The following ICA1 variants were observed in gnomAD, a reference collection of about 807,000 sequenced individuals.
ICA1 encodes the protein islet cell autoantigen 1.
In ICA1, 40 loss-of-function variants were observed where a neutral mutation model predicts 71.0. The ratio of observed to expected loss-of-function variants is 0.56; its 90% confidence interval spans 0.44 to 0.73. ICA1 has a LOEUF of 0.73. Among genes scored for constraint, ICA1 ranks in the 30% least tolerant of loss-of-function variants. The probability of loss-of-function intolerance (pLI) is 0.00; values close to 1 mark genes in which losing one functional copy is unlikely to be tolerated. For missense variants in ICA1, 578 were observed against 576.5 expected (o/e 1.00, Z -0.03); for synonymous variants, 207 against 209.5 (o/e 0.99, Z 0.10).
At chr7:8,162,509 G>T (rs915482618) in intron 6 of ICA1, among the ~76,000 whole-genome samples, 3 of 152,074 alleles carry the variant, frequency 2.0e-5, no homozygotes, top group African/African-American at 7.2e-5. Context: ...AAACACCAAG[G>T]ACATAGCCAA....
intron 6 of ICA1, among the ~76,000 whole-genome samples, chr7:8,211,160 C>T (rs1046824025): frequency 2.0e-5 from 3 of 152,202 alleles, no homozygotes; most frequent in Non-Finnish European, 2.9e-5. Flanking sequence ...GGCCAACCTC[C>T]CAGAGAACCC....
At chr7:8,129,656 G>A (rs951957092) in intron 12 of ICA1, among the ~76,000 whole-genome samples, 2 of 152,108 alleles carry the variant, frequency 1.3e-5, no homozygotes, top group South Asian at 2.1e-4. Context: ...TGAGAAGATG[G>A]GGCAAATGGC....
chr7:8,172,073 T>C lies in ICA1; in HGVS notation c.580-13421A>G, dbSNP rs117107051. On this transcript the variant is annotated intron_variant, in intron 6 of 13. Transcript: ENST00000402384. ...ATGTGCACTTGAAAAGAACATATAC[T>C]GTGATGTTGAATGGAACATTCTGTA... 4.2e-3 allele frequency among the ~76,000 whole-genome samples: 642 copies of C among 152,154 alleles called. 1 individual carries two copies. The highest frequency in any genetic ancestry group is 7.0e-3 in the Non-Finnish European group (474 of 67,872).
At position 8,234,961 on chromosome 7, in the gene ICA1, C is replaced by T. The variant is rs1217786125; in HGVS notation, c.17+949G>A. ...TGGGCAGATCATGAGGTCAAGAGATCGAGACCATCCTGGCCAACATGGTGA... is the reference window on the plus strand; with the variant it reads ...TGGGCAGATCATGAGGTCAAGAGATTGAGACCATCCTGGCCAACATGGTGA... On this transcript the variant is annotated intron_variant, in intron 2 of 13. Coordinates refer to ENST00000402384, the MANE Select transcript of ICA1 (RefSeq NM_001136020.3). The surrounding 1 kb of genome is among the most constrained non-coding windows in gnomAD (Gnocchi z 4.5). Among the ~76,000 whole-genome samples, 3 of 151,904 alleles carry T rather than the reference C, an allele frequency of 2.0e-5. No homozygotes were observed. Among genetic ancestry groups the T allele is most frequent in the South Asian group, 2.1e-4 (1 of 4,818 alleles).
chr7:8,254,457 A>G (rs1357214477), intron 1 of ICA1, among the ~76,000 whole-genome samples: 1 of 149,832 alleles, frequency 6.7e-6, no homozygotes, highest in African/African-American at 2.5e-5. Flanking sequence ...AAAGCACTAT[A>G]TGATCATGTA....
rs182149093 is a variant in ICA1, at chr7:8,186,902, T to C, written c.580-28250A>G. ...AGATAAGCTATTCAATATCTCAGTATAGCACACAGGCTATTATCTTGTTTT... is the reference window on the plus strand; with the variant it reads ...AGATAAGCTATTCAATATCTCAGTACAGCACACAGGCTATTATCTTGTTTT... On this transcript the variant is annotated intron_variant, in intron 6 of 13. Transcript: ENST00000402384. Among the ~76,000 whole-genome samples, 50 of 152,356 alleles carry C rather than the reference T, an allele frequency of 3.3e-4. 1 individual carries two copies. Among genetic ancestry groups the C allele is most frequent in the African/African-American group, 7.2e-5 (3 of 41,590 alleles).
At chr7:8,174,997 G>A (rs950946562) in intron 6 of ICA1, among the ~76,000 whole-genome samples, 1 of 152,118 alleles carries the variant, frequency 6.6e-6, no homozygotes, top group African/African-American at 2.4e-5. Flanking sequence ...TGGTTAAACA[G>A]GGCCTTGGAG....
In ICA1 at chr7:8,189,686, G is replaced by A. The variant is rs570363336; in HGVS notation, c.579+28619C>T. Among the ~76,000 whole-genome samples, 33 of 152,162 alleles carry A rather than the reference G, an allele frequency of 2.2e-4. No individual in the cohort carries two copies. The South Asian group carries it at 6.7e-3, about 31-fold the overall frequency. ...GAGGCCTCACTGAACCCCCAGCTCC[G>A]AGCCTGCAGTCCGAGGGGCAGGTGG... On this transcript the variant is annotated intron_variant, in intron 6 of 13. Coordinates refer to ENST00000402384, the MANE Select transcript of ICA1 (RefSeq NM_001136020.3).
intron 6 of ICA1, among the ~76,000 whole-genome samples, chr7:8,197,430 G>C (rs1484031421): frequency 3.3e-5 from 5 of 151,150 alleles, no homozygotes; most frequent in African/African-American, 1.2e-4. Context: ...GTGCGTGCCT[G>C]TAGTCCCAGC....
intron 11 of ICA1, 21 bp downstream of exon 11, chr7:8,138,964 G>C: frequency 6.2e-7 from 1 of 1,606,766 alleles, no homozygotes; most frequent in Non-Finnish European, 8.5e-7. Flanking sequence ...AAATTGAGTA[G>C]TTTTCCTTAA....
At chr7:8,178,106 C>A (rs1197780399) in intron 6 of ICA1, among the ~76,000 whole-genome samples, 1 of 152,204 alleles carries the variant, frequency 6.6e-6, no homozygotes, top group Admixed American at 6.5e-5. Context: ...TCTTCCAGCT[C>A]ATCAAGCAGT....
At chr7:8,140,847 A>G (rs1240373382) in intron 10 of ICA1, among the ~76,000 whole-genome samples, 1 of 152,220 alleles carries the variant, frequency 6.6e-6, no homozygotes, top group African/African-American at 2.4e-5. Context: ...GTGGAAAGGT[A>G]AAAAGGAAGA....
At position 8,245,009 on chromosome 7, in the gene ICA1, T is replaced by C. The variant is rs183068719; in HGVS notation, c.-79-9004A>G. Among the ~76,000 whole-genome samples the C allele has an allele frequency of 2.9e-3, 437 of 152,302 alleles. 3 individuals are homozygous for C. Among genetic ancestry groups the C allele is most frequent in the African/African-American group, 0.01 (420 of 41,556 alleles). On this transcript the variant is annotated intron_variant, in intron 1 of 13. Coordinates refer to ENST00000402384, the MANE Select transcript of ICA1 (RefSeq NM_001136020.3). ...TTGTGGAAGACAGTGTGGTGATTCC[T>C]CAAGGATCTAGAACTAGAAATACCA...
intron 1 of ICA1, chr7:8,236,827 A>G (rs2128474039): frequency 6.6e-6 from 1 of 152,644 alleles, no homozygotes; most frequent in African/African-American, 2.4e-5. Context: ...TACTGGAAAG[A>G]ACAGAAAGCT....
rs144575495 is a variant in ICA1 at position 8,146,882 on chromosome 7, G to GCACA, written c.805-2914_805-2911dup. Among the ~76,000 whole-genome samples the GCACA allele has an allele frequency of 3.7e-3, 513 of 139,414 alleles. 7 individuals carry two copies. The highest frequency in any genetic ancestry group is 0.031 in the East Asian group (136 of 4,374). 91.5% of individuals were successfully genotyped at this position (139,414 alleles called of 152,430 possible). On this transcript the variant is annotated intron_variant, in intron 8 of 13. Coordinates refer to ENST00000402384, the MANE Select transcript of ICA1 (RefSeq NM_001136020.3). The stretch of plus-strand genomic sequence containing the variant: ...TACACACACACACACACACACACAC[G>GCACA]CACACACACACACACACACACACAC...
In ICA1 at chr7:8,185,368, C is replaced by A. The variant is rs529214202; in HGVS notation, c.580-26716G>T. On this transcript the variant is annotated intron_variant, in intron 6 of 13. Coordinates refer to ENST00000402384, the MANE Select transcript of ICA1 (RefSeq NM_001136020.3). ...TCCATTCACCCATCCATGCATCTGG[C>A]CATCCACATCCATCCATCCATCCAT... Among the ~76,000 whole-genome samples, 7 of 152,290 alleles carry A rather than the reference C, an allele frequency of 4.6e-5. No individual in the cohort carries two copies. The East Asian group carries it at 9.6e-4, about 21-fold the overall frequency.
intron 6 of ICA1, among the ~76,000 whole-genome samples, chr7:8,211,552 A>G (rs1003498477): frequency 6.6e-6 from 1 of 152,118 alleles, no homozygotes; most frequent in Non-Finnish European, 1.5e-5. Context: ...AGTGGTTTAC[A>G]TAGTGAGCTC....
chr7:8,212,738 C>G (rs1025727032), intron 6 of ICA1, among the ~76,000 whole-genome samples: 2 of 152,180 alleles, frequency 1.3e-5, no homozygotes, highest in African/African-American at 2.4e-5. Context: ...TCTGAGGTCA[C>G]GCTCCTTCCT....
At chr7:8,221,557 C>A (rs972142261) in intron 4 of ICA1, among the ~76,000 whole-genome samples, 159 bp from the exon 5 acceptor site, 3 of 152,176 alleles carry the variant, frequency 2.0e-5, no homozygotes, top group Admixed American at 6.5e-5. Flanking sequence ...CCCTACCCCC[C>A]ATTTAACTTT....
Sources: allele counts gnomAD v4.1 joint callset (sites outside exome capture counted in the v4.1 genomes callset), GRCh38; gene constraint gnomAD v4.1.1; non-coding constraint Gnocchi (gnomAD v3.1); transcripts MANE v1.5; gene names NCBI Gene and HGNC (gene_info 2026-07-23, HGNC 2026-07-21).